The following PHKB variants were observed in gnomAD, a reference collection of about 807,000 sequenced individuals.
PHKB encodes the protein phosphorylase kinase regulatory subunit beta, also known as phosphorylase b kinase regulatory subunit beta.
A neutral mutation model predicts 152.1 loss-of-function variants in PHKB; 122 were observed. The ratio of observed to expected loss-of-function variants is 0.80; its 90% CI spans 0.69 to 0.93. The LOEUF is 0.93. Ranked by LOEUF, PHKB falls within the 40% of genes least tolerant of loss-of-function variation. The pLI, the probability that PHKB is intolerant of heterozygous loss-of-function variation, is 0.00. For missense variants in PHKB, 1,304 were observed against 1,328.4 expected, an observed-to-expected ratio of 0.98 and a Z score of 0.29; for synonymous variants, 436 against 464.9, an observed-to-expected ratio of 0.94 and a Z score of 0.80.
At chr16:47,548,071 C>G (rs2151672850) in intron 7 of PHKB, 2 of 159,402 alleles carry the variant, frequency 1.3e-5, no homozygotes, top group Non-Finnish European at 2.7e-5. Flanking sequence ...TTTGAATAAG[C>G]AACAATAGCT....
At chr16:47,634,861 T>C (rs1314211309) in intron 14 of PHKB, among the ~76,000 whole-genome samples, 1 of 152,202 alleles carries the variant, frequency 6.6e-6, no homozygotes, top group African/African-American at 2.4e-5. Context: ...AGTTTTGTTA[T>C]CATTTTACAG....
At chr16:47,522,140 T>C (rs936842967) in intron 6 of PHKB, among the ~76,000 whole-genome samples, 1 of 152,174 alleles carries the variant, frequency 6.6e-6, no homozygotes, top group African/African-American at 2.4e-5. Context: ...TTTGAAGGAT[T>C]GGTATTAATT....
intron 26 of PHKB, among the ~76,000 whole-genome samples, 187 bp from the exon 27 acceptor site, chr16:47,688,852 ATT>A (rs1164591270): frequency 6.6e-6 from 1 of 152,150 alleles, no homozygotes; most frequent in Non-Finnish European, 1.5e-5. Flanking sequence ...GGCAGGCCTC[ATT>A]TTTAAGAGTC....
chr16:47,624,279 ACTAATTATGGCTC>A (rs1163162284), intron 14 of PHKB, among the ~76,000 whole-genome samples: 1 of 152,222 alleles, frequency 6.6e-6, no homozygotes, highest in African/African-American at 2.4e-5. Flanking sequence ...GTATCTGGAC[ACTAATTATGGCTC>A]CTAATCATAT....
chr16:47,641,111 G>A lies in PHKB; in HGVS notation c.1514+21G>A, dbSNP rs776278775. ...CAAAGGTATGAAATCCAAGTGGGTG[G>A]TGTGTTTTTTTGTGGGGAGGGGAGG... On this transcript the variant is annotated intron_variant, in intron 15 of 30. Coordinates refer to ENST00000323584, the MANE Select transcript of PHKB (RefSeq NM_000293.3). 2.5e-6 allele frequency: 4 copies of A among 1,607,762 alleles called. No individual in the cohort carries two copies. In the Admixed American group the frequency reaches 6.7e-5, roughly 27 times the overall value.
rs781014127 is a variant in PHKB, at chr16:47,547,522, T to C, written c.684T>C (p.Asn228=). Residue 228 remains asparagine, a synonymous_variant, in exon 7 of 31, where the codon AAT becomes AAC. Coordinates refer to ENST00000323584, the MANE Select transcript of PHKB (RefSeq NM_000293.3). ...FGVWERGSKY[N]NGSTELHSSS... is the part of the protein sequence containing the mutation. ...TCTGGGAAAGAGGAAGCAAATATAA[T>C]AATGGCAGCACAGAGCTACATTCGA... 11 of 1,606,336 alleles carry C rather than the reference T, an allele frequency of 6.8e-6. No individual in the cohort carries two copies. Among genetic ancestry groups the C allele is most frequent in the Non-Finnish European group, 6.8e-6 (8 of 1,172,966 alleles).
At chr16:47,546,253 T>G (rs1971162035) in intron 6 of PHKB, among the ~76,000 whole-genome samples, 1 of 152,204 alleles carries the variant, frequency 6.6e-6, no homozygotes, top group African/African-American at 2.4e-5. Flanking sequence ...TTTATGATGG[T>G]GACCTACAGA....
chr16:47,691,405 A>G (rs1042059929), intron 27 of PHKB, among the ~76,000 whole-genome samples: 9 of 152,312 alleles, frequency 5.9e-5, no homozygotes, highest in African/African-American at 1.9e-4. Flanking sequence ...GTTATGTAAG[A>G]TAACAAGAGT....
At position 47,678,904 on chromosome 16, in the gene PHKB, G is replaced by C. The variant is rs1483150969; in HGVS notation, c.2630+9487G>C. Among the ~76,000 whole-genome samples the C allele has an allele frequency of 2.0e-5, 3 of 152,280 alleles. No individual in the cohort carries two copies. The South Asian group carries it at 6.2e-4, about 32-fold the overall frequency. Reference sequence around the variant, plus strand: ...TCTTCTAGGGTTTTTATGGTTTTAGGTCTAACATGTAAGTCTTTAATCCAT... The same window carrying C: ...TCTTCTAGGGTTTTTATGGTTTTAGCTCTAACATGTAAGTCTTTAATCCAT... On this transcript the variant is annotated intron_variant, in intron 26 of 30. Coordinates refer to ENST00000323584, the MANE Select transcript of PHKB (RefSeq NM_000293.3).
At chr16:47,638,981 ATGG>A (rs1567337117) in intron 14 of PHKB, among the ~76,000 whole-genome samples, 1 of 152,238 alleles carries the variant, frequency 6.6e-6, no homozygotes, top group African/African-American at 2.4e-5. Context: ...TTGGACAACA[ATGG>A]TGGTGGTTTG....
At chr16:47,495,805 T>G (rs1298986710) in intron 1 of PHKB, among the ~76,000 whole-genome samples, 1 of 152,202 alleles carries the variant, frequency 6.6e-6, no homozygotes, top group Non-Finnish European at 1.5e-5. Context: ...AAAGGAGTAC[T>G]GATGTTCTGT....
At chr16:47,649,689 T>C (rs1973200293) in intron 18 of PHKB, among the ~76,000 whole-genome samples, 1 of 149,674 alleles carries the variant, frequency 6.7e-6, no homozygotes, top group Non-Finnish European at 1.5e-5. Context: ...TTCGTTAAAA[T>C]CTTGGCTCTG....
At chr16:47,674,936 G>A (rs1973700826) in intron 26 of PHKB, among the ~76,000 whole-genome samples, 1 of 152,216 alleles carries the variant, frequency 6.6e-6, no homozygotes, top group Admixed American at 6.5e-5. Context: ...CAATTTGAGA[G>A]TTACAAGTGG....
intron 10 of PHKB, among the ~76,000 whole-genome samples, chr16:47,592,671 A>G (rs1482943895): frequency 6.6e-6 from 1 of 152,206 alleles, no homozygotes; most frequent in African/African-American, 2.4e-5. Flanking sequence ...GTTTATTTAC[A>G]TGCTGGCCTC....
At chr16:47,666,066 C>G in intron 25 of PHKB, 1 of 1,482,116 alleles carries the variant, frequency 6.7e-7, no homozygotes, top group Non-Finnish European at 9.4e-7. Flanking sequence ...TTATTTGGTC[C>G]CGGTTGCAAA....
At chr16:47,520,784 T>A (rs945905622) in intron 6 of PHKB, among the ~76,000 whole-genome samples, 4 of 152,208 alleles carry the variant, frequency 2.6e-5, no homozygotes, top group African/African-American at 9.6e-5. Flanking sequence ...CAGTCCATAT[T>A]ATTGTGGGGA....
At chr16:47,549,760 A>C (rs1463620228) in intron 7 of PHKB, among the ~76,000 whole-genome samples, 1 of 152,192 alleles carries the variant, frequency 6.6e-6, no homozygotes, top group Non-Finnish European at 1.5e-5. Context: ...AAAAGTTACT[A>C]CTGACCCTAG....
chr16:47,563,708 T>C (rs1467422853), intron 7 of PHKB, among the ~76,000 whole-genome samples: 1 of 152,214 alleles, frequency 6.6e-6, no homozygotes, highest in Admixed American at 6.5e-5. Flanking sequence ...TTTGGTTACA[T>C]GGATGAATTT....
At chr16:47,509,299 C>G (rs912639020) in intron 4 of PHKB, among the ~76,000 whole-genome samples, 1 of 152,142 alleles carries the variant, frequency 6.6e-6, no homozygotes, top group African/African-American at 2.4e-5. Flanking sequence ...GAATTAACAC[C>G]AGATGGCTTT....
Sources: allele counts gnomAD v4.1 joint callset (sites outside exome capture counted in the v4.1 genomes callset), GRCh38; gene constraint gnomAD v4.1.1; transcripts MANE v1.5; gene names NCBI Gene and HGNC (gene_info 2026-07-23, HGNC 2026-07-21).